Variants in HLTF observed in about 807,000 individuals in gnomAD.
The protein encoded by HLTF is helicase like transcription factor.
Under a neutral mutation model 129.4 loss-of-function variants are expected in HLTF, and 127 were observed. That is an observed-to-expected ratio of 0.98 (90% CI 0.85 to 1.14). HLTF has a LOEUF of 1.14. HLTF is among the 50% of genes most tolerant of loss of function. HLTF has a pLI of 0.00. For synonymous variants in HLTF, 332 were observed against 388.8 expected, an observed-to-expected ratio of 0.85 and a Z score of 1.72; for missense variants, 1,139 against 1,187.1, an observed-to-expected ratio of 0.96 and a Z score of 0.60.
At position 149,042,199 on chromosome 3, in the gene HLTF, G is replaced by C; in HGVS notation, c.2164C>G (p.Leu722Val). The C allele has an allele frequency of 6.2e-7, 1 of 1,613,336 alleles. No homozygotes were observed. The highest frequency in any genetic ancestry group is 8.5e-7 in the Non-Finnish European group (1 of 1,179,384). ...CCATTGGAAGACACTGCATTTGTAA[G>C]AAGGTAAGTATGGCAACAAATTTGC... ...LRQICCHTYLLTNAVSSNGPS... is the reference protein window; with the variant it reads ...LRQICCHTYLVTNAVSSNGPS... Residue 722 changes from leucine to valine, a missense_variant, in exon 19 of 25, where the codon CTT (leucine) becomes GTT (valine). Transcript: ENST00000310053.
chr3:149,046,984 G>A (rs560195406), intron 17 of HLTF, among the ~76,000 whole-genome samples: 69 of 152,242 alleles, frequency 4.5e-4, no homozygotes, highest in Admixed American at 2.7e-3. Flanking sequence ...CTCACAGTAA[G>A]AAACACATTC....
chr3:149,055,543 A>C (rs1468117121), intron 13 of HLTF, 143 bp from the exon 14 acceptor site: 2 of 612,044 alleles, frequency 3.3e-6, no homozygotes, highest in African/African-American at 3.7e-5. Context: ...ACAGGGAATA[A>C]ATTTTACCTC....
chr3:149,083,251 C>CA (rs1484783354), intron 2 of HLTF, among the ~76,000 whole-genome samples: 317 of 138,692 alleles, frequency 2.3e-3, no homozygotes, highest in African/African-American at 7.4e-3. Flanking sequence ...GACTCCGTTT[C>CA]AAAAAAAAAA....
intron 20 of HLTF, among the ~76,000 whole-genome samples, chr3:149,041,197 A>G (rs1196667004): frequency 2.6e-5 from 4 of 152,186 alleles, no homozygotes; most frequent in Non-Finnish European, 5.9e-5. Context: ...CTTTTTACTT[A>G]AGAGTATGAC....
intron 3 of HLTF, 83 bp from the exon 4 acceptor site, chr3:149,074,431 G>A (rs933410951): frequency 1.5e-6 from 2 of 1,304,880 alleles, no homozygotes; most frequent in Non-Finnish European, 2.1e-6. Context: ...TATTTTAAGT[G>A]TATCATTTAC....
chr3:149,071,055 A>G (rs1192325318), intron 7 of HLTF, among the ~76,000 whole-genome samples, 197 bp downstream of exon 7: 2 of 152,092 alleles, frequency 1.3e-5, no homozygotes, highest in Admixed American at 1.3e-4. Flanking sequence ...AAAAAAAAAA[A>G]AAAGAAAACT....
In HLTF at chr3:149,074,251, T is replaced by C; in HGVS notation, c.493A>G (p.Lys165Glu). 6.2e-7 allele frequency: 1 copy of C among 1,613,648 alleles called. No homozygotes were observed. The highest frequency in any genetic ancestry group is 8.5e-7 in the Non-Finnish European group (1 of 1,179,780). Residue 165 changes from lysine to glutamate, a missense_variant, in exon 4 of 25, where the codon AAG becomes GAG. Transcript: ENST00000310053. Reference sequence around the variant, plus strand: ...GGACCCAATTTAAATCCATGTTTCTTCAACTGATCTGAAACCGCTTTTCTA... The same window carrying C: ...GGACCCAATTTAAATCCATGTTTCTCCAACTGATCTGAAACCGCTTTTCTA... Reference protein sequence around the residue: ...ENRKAVSDQLKKHGFKLGPAP... With the variant: ...ENRKAVSDQLEKHGFKLGPAP...
At chr3:149,032,787 G>C (rs1194145136) in intron 24 of HLTF, among the ~76,000 whole-genome samples, 1 of 151,844 alleles carries the variant, frequency 6.6e-6, no homozygotes, top group South Asian at 2.1e-4. Flanking sequence ...ACGGTGAAAT[G>C]CCATCTCTAC....
intron 2 of HLTF, among the ~76,000 whole-genome samples, chr3:149,081,857 A>G (rs1179048186): frequency 5.3e-5 from 8 of 152,208 alleles, no homozygotes. Flanking sequence ...TGTTCCTCCA[A>G]TTCAAAATCC....
At chr3:149,048,724 A>G (rs1716748457) in intron 16 of HLTF, 139 bp downstream of exon 16, 1 of 640,408 alleles carries the variant, frequency 1.6e-6, no homozygotes, top group Non-Finnish European at 2.7e-6. Flanking sequence ...ACAACTCAAA[A>G]CATTTGATTA....
chr3:149,065,533 A>G (rs1718292815), intron 8 of HLTF, among the ~76,000 whole-genome samples: 1 of 152,208 alleles, frequency 6.6e-6, no homozygotes, highest in Non-Finnish European at 1.5e-5. Flanking sequence ...CTTTAAAGGT[A>G]CCAATCAAAA....
chr3:149,071,266 C>T lies in HLTF; in HGVS notation c.880G>A (p.Asp294Asn). 1.3e-6 allele frequency: 2 copies of T among 1,575,526 alleles called. No homozygotes were observed. Among genetic ancestry groups the T allele is most frequent in the Non-Finnish European group, 8.6e-7 (1 of 1,161,044 alleles). ...PENVHGGILA[D>N]DMGLGKTLTA... ...AAAATAATTACCAAACCCATATCAT[C>T]AGCTAAAATTCCTCCATGGACATTT... Residue 294 changes from aspartate to asparagine, a missense_variant, in exon 7 of 25, where the codon GAT becomes AAT. By Grantham distance (23) the Asp-to-Asn change is conservative. Transcript: ENST00000310053.
Position 149,032,975 on chromosome 3 carries a change from A to C in HLTF, c.2878-603T>G, listed in dbSNP as rs79444203. On this transcript the variant is annotated intron_variant, in intron 24 of 24. Coordinates refer to ENST00000310053, the MANE Select transcript of HLTF (RefSeq NM_003071.4). ...GACGTCTCAAAAAAAAAAAAAAAAA[A>C]AACAAAAAACTATTCCCAGAAATTC... 5.8e-3 allele frequency among the ~76,000 whole-genome samples: 823 copies of C among 142,130 alleles called. 12 individuals are homozygous for C. Among genetic ancestry groups the C allele is most frequent in the South Asian group, 0.01 (47 of 4,538 alleles). 93.2% of individuals were successfully genotyped at this position (142,130 alleles called of 152,430 possible). A position where few individuals can be genotyped will look rare whatever the true frequency, so the allele number is the denominator to read the frequency against.
chr3:149,034,887 T>C, intron 24 of HLTF, 31 bp downstream of exon 24: 1 of 1,406,432 alleles, frequency 7.1e-7, no homozygotes, highest in Non-Finnish European at 1.0e-6. Context: ...CGTATCAACC[T>C]AGTCTTAAAA....
chr3:149,074,003 C>T (rs1719104435), intron 4 of HLTF, among the ~76,000 whole-genome samples: 1 of 151,924 alleles, frequency 6.6e-6, no homozygotes, highest in East Asian at 1.9e-4. Context: ...TTAATATCCC[C>T]TCACTCTTAC....
At chr3:149,059,658 ATTT>A (rs546127026) in intron 13 of HLTF, 57 bp downstream of exon 13, 1,092 of 1,017,048 alleles carry the variant, frequency 1.1e-3, no homozygotes, top group Non-Finnish European at 1.4e-3. Context: ...AAAATTTTAA[ATTT>A]TTTCATTCAA....
chr3:149,050,524 TA>T (rs1716899039), intron 14 of HLTF, 149 bp from the exon 15 acceptor site: 4 of 453,628 alleles, frequency 8.8e-6, no homozygotes, highest in South Asian at 6.0e-5. Flanking sequence ...TAGACCAAAA[TA>T]ATAACAATAA....
At chr3:149,063,918 C>T (rs758679659) in intron 9 of HLTF, among the ~76,000 whole-genome samples, 6 of 152,078 alleles carry the variant, frequency 3.9e-5, no homozygotes, top group African/African-American at 1.2e-4. Context: ...AAACACTGTT[C>T]GGCTCCCCTA....
intron 12 of HLTF, 124 bp downstream of exon 12, chr3:149,060,519 A>G: frequency 1.4e-6 from 1 of 731,244 alleles, no homozygotes; most frequent in Non-Finnish European, 2.3e-6. Context: ...AAGAGTTCAA[A>G]TGTAAACATC....
Sources: allele counts gnomAD v4.1 joint callset (sites outside exome capture counted in the v4.1 genomes callset), GRCh38; gene constraint gnomAD v4.1.1; transcripts MANE v1.5; gene names NCBI Gene and HGNC (gene_info 2026-07-23, HGNC 2026-07-21).